The following GCNT4 variants were observed in gnomAD, a reference collection of about 807,000 sequenced individuals.
The protein encoded by GCNT4 is beta-1,3-galactosyl-O-glycosyl-glycoprotein beta-1,6-N-acetylglucosaminyltransferase 4.
GCNT4 carries 17 observed loss-of-function variants against 31.3 expected under a neutral mutation model. That is an observed-to-expected ratio of 0.54 (90% CI 0.37 to 0.81). The LOEUF is 0.81. Ranked by LOEUF, GCNT4 falls within the 40% of genes least tolerant of loss-of-function variation. The pLI, the probability that GCNT4 is intolerant of heterozygous loss-of-function variation, is 0.00. For missense variants in GCNT4, 503 were observed against 525.5 expected (o/e 0.96, Z 0.42); for synonymous variants, 158 against 190.6 (o/e 0.83, Z 1.41).
chr5:75,051,395 C>G (rs1743565146), intron 2 of GCNT4, among the ~76,000 whole-genome samples: 1 of 152,252 alleles, frequency 6.6e-6, no homozygotes, highest in African/African-American at 2.4e-5. Context: ...TTGCTTTGCT[C>G]ATTTTTACTG....
At chr5:75,017,987 A>G in the GCNT4 span, among the ~76,000 whole-genome samples, 2 of 152,246 alleles carry the variant, frequency 1.3e-5, no homozygotes. Context: ...TGACACCACC[A>G]GGGAGCTTGT....
At chr5:75,048,489 T>C (rs1324296734) in intron 2 of GCNT4, among the ~76,000 whole-genome samples, 9 of 152,176 alleles carry the variant, frequency 5.9e-5, no homozygotes, top group Admixed American at 5.9e-4. Flanking sequence ...TGGCTGACCA[T>C]ACATTTGGCA....
At chr5:75,031,838 A>G (rs1743070289) in intron 3 of GCNT4, among the ~76,000 whole-genome samples, 1 of 152,208 alleles carries the variant, frequency 6.6e-6, no homozygotes, top group Admixed American at 6.5e-5. Context: ...AGGACAGGAA[A>G]GCTGGCAGAG....
chr5:75,039,550 A>G (rs931068508), intron 3 of GCNT4, among the ~76,000 whole-genome samples: 1 of 152,220 alleles, frequency 6.6e-6, no homozygotes, highest in Non-Finnish European at 1.5e-5. Flanking sequence ...AGTATATTGG[A>G]GGAGCAAGGA....
chr5:75,021,247 CAGAG>C (rs1742877338), downstream of GCNT4, among the ~76,000 whole-genome samples: 1 of 152,142 alleles, frequency 6.6e-6, no homozygotes, highest in Admixed American at 6.5e-5. Context: ...GGTGTGGACA[CAGAG>C]AGAGCTGTGC....
the GCNT4 span, among the ~76,000 whole-genome samples, chr5:75,019,102 A>G: frequency 6.6e-6 from 1 of 152,166 alleles, no homozygotes; most frequent in Non-Finnish European, 1.5e-5. Context: ...CCTAACCCCC[A>G]ATGTGCTCAT....
At chr5:75,017,511 G>A in the GCNT4 span, 2 of 152,228 alleles carry the variant, frequency 1.3e-5, no homozygotes, top group Non-Finnish European at 2.9e-5. Context: ...TCAGAGTGAG[G>A]TTTGTCCTGT....
intron 3 of GCNT4, among the ~76,000 whole-genome samples, chr5:75,043,969 G>C (rs1476374827): frequency 6.6e-6 from 1 of 152,184 alleles, no homozygotes; most frequent in Non-Finnish European, 1.5e-5. Flanking sequence ...ATATCTGAAG[G>C]AAAGCAGATG....
chr5:75,040,183 CT>C (rs200239392), intron 3 of GCNT4, among the ~76,000 whole-genome samples: 13,618 of 141,464 alleles, frequency 0.096, 1,379 homozygotes, highest in African/African-American at 0.28. Flanking sequence ...TCTCTGATAA[CT>C]TTTTTTTTTT....
intron 2 of GCNT4, among the ~76,000 whole-genome samples, chr5:75,051,103 C>G (rs1166537084): frequency 6.6e-6 from 1 of 152,224 alleles, no homozygotes; most frequent in Non-Finnish European, 1.5e-5. Flanking sequence ...CTCTCAGGCT[C>G]TCCTCTCCTC....
intron 3 of GCNT4, among the ~76,000 whole-genome samples, chr5:75,031,434 G>C (rs2149954763): frequency 6.6e-6 from 1 of 152,288 alleles, no homozygotes; most frequent in East Asian, 1.9e-4. Flanking sequence ...TATTGTCTCA[G>C]TCACAACTAC....
chr5:75,043,021 TAGAA>T (rs1743354137), intron 3 of GCNT4, among the ~76,000 whole-genome samples: 2 of 152,220 alleles, frequency 1.3e-5, no homozygotes, highest in Non-Finnish European at 2.9e-5. Flanking sequence ...AAGTCAAATC[TAGAA>T]ATGATTCCAG....
At chr5:75,053,179 G>A (rs1409449600), upstream of GCNT4, among the ~76,000 whole-genome samples, 1 of 151,426 alleles carries the variant, frequency 6.6e-6, no homozygotes, top group Non-Finnish European at 1.5e-5. Context: ...GGCGGCTGCC[G>A]CGGGGAGCCC....
chr5:75,028,516 A>T lies in GCNT4; in HGVS notation c.*160T>A. ...AAAACCTAGCCAACTGCAGGCTAAT[A>T]ACATCAAAGGCTAGATCACTTTCCC... On this transcript the variant is annotated 3_prime_UTR_variant, in exon 4 of 4. Coordinates refer to ENST00000652361, the MANE Select transcript of GCNT4 (RefSeq NM_001366737.1). 1.5e-6 allele frequency: 1 copy of T among 656,150 alleles called. No homozygotes were observed. The highest frequency in any genetic ancestry group is 2.5e-6 in the Non-Finnish European group (1 of 405,900). 40.6% of individuals were successfully genotyped at this position (656,150 alleles called of 1,614,324 possible).
upstream of GCNT4, among the ~76,000 whole-genome samples, chr5:75,053,549 G>T (rs1561381152): frequency 6.6e-6 from 1 of 152,100 alleles, no homozygotes; most frequent in Non-Finnish European, 1.5e-5. Context: ...CGCGGGGTCC[G>T]TGCGGCTGCG....
At chr5:75,019,902 C>A in the GCNT4 span, among the ~76,000 whole-genome samples, 12 of 152,052 alleles carry the variant, frequency 7.9e-5, no homozygotes, top group African/African-American at 1.2e-4. Context: ...TTGTTTGGAT[C>A]CTGATTTAAA....
chr5:75,030,271 C>A, intron 3 of GCNT4: 1 of 471,976 alleles, frequency 2.1e-6, no homozygotes, highest in Non-Finnish European at 3.9e-6. Flanking sequence ...ATGTTGGTTT[C>A]CAAACAGAAG....
At chr5:75,033,081 G>A (rs953799964) in intron 3 of GCNT4, among the ~76,000 whole-genome samples, 2 of 152,212 alleles carry the variant, frequency 1.3e-5, no homozygotes, top group African/African-American at 4.8e-5. Flanking sequence ...TGACACCACA[G>A]TGGTAAAAAG....
upstream of GCNT4, among the ~76,000 whole-genome samples, chr5:75,053,216 C>T (rs887205274): frequency 1.7e-5 from 2 of 117,278 alleles, no homozygotes; most frequent in African/African-American, 5.9e-5. Context: ...GCTAGGCGCG[C>T]GCCGGGTCGC....
Sources: gnomAD v4.1 joint callset for allele counts (sites outside exome capture counted in the v4.1 genomes callset) on GRCh38, gnomAD v4.1.1 for gene constraint, MANE v1.5 for transcripts, NCBI Gene and HGNC (gene_info 2026-07-23, HGNC 2026-07-21) for gene names.